Variants in PARD3B observed in about 807,000 individuals in gnomAD.
The protein encoded by PARD3B is par-3 family cell polarity regulator beta, also known as partitioning defective 3 homolog B.
In PARD3B, 103 loss-of-function variants were observed where a neutral mutation model predicts 130.2. That is an observed-to-expected ratio of 0.79 (90% CI 0.67 to 0.93). The LOEUF (loss-of-function observed/expected upper bound fraction) is 0.93. Ranked by LOEUF, PARD3B falls within the 40% of genes least tolerant of loss-of-function variation. PARD3B has a pLI of 0.00. For synonymous variants in PARD3B, 583 were observed against 553.2 expected, an observed-to-expected ratio of 1.05 and a Z score of -0.76; for missense variants, 1,609 against 1,499.2, an observed-to-expected ratio of 1.07 and a Z score of -1.21.
chr2:204,912,835 G>C (rs554311183), intron 2 of PARD3B, among the ~76,000 whole-genome samples: 70 of 152,200 alleles, frequency 4.6e-4, no homozygotes, highest in African/African-American at 1.6e-3. Context: ...TATTTCAGCT[G>C]TTTGTTCCCT....
At chr2:205,144,081 C>T (rs541734045) in intron 10 of PARD3B, among the ~76,000 whole-genome samples, 163 of 152,224 alleles carry the variant, frequency 1.1e-3, no homozygotes, top group African/African-American at 3.8e-3. Context: ...GAGTACTTTC[C>T]AACCATAGGC....
intron 2 of PARD3B, among the ~76,000 whole-genome samples, chr2:204,705,999 G>A (rs2038127763): frequency 6.6e-6 from 1 of 152,186 alleles, no homozygotes; most frequent in East Asian, 1.9e-4. Flanking sequence ...GAATGGATGA[G>A]TGAATGAAGA....
chr2:205,614,533 T>C (rs2055350247), intron 22 of PARD3B, among the ~76,000 whole-genome samples: 1 of 151,402 alleles, frequency 6.6e-6, no homozygotes, highest in Non-Finnish European at 1.5e-5. Flanking sequence ...ATGAAACCCA[T>C]CTCTACAAAA....
intron 3 of PARD3B, among the ~76,000 whole-genome samples, chr2:205,036,544 AATAT>A (rs902259866): frequency 2.7e-5 from 4 of 149,534 alleles, no homozygotes; most frequent in African/African-American, 9.8e-5. Flanking sequence ...ATATACAAAA[AATAT>A]ATATACACAG....
intron 10 of PARD3B, among the ~76,000 whole-genome samples, chr2:205,154,119 A>G (rs2033950901): frequency 6.6e-6 from 1 of 152,076 alleles, no homozygotes; most frequent in South Asian, 2.1e-4. Context: ...AACCTACAGA[A>G]TGGGAGAAAA....
In PARD3B at chr2:205,073,810, T is replaced by C. The variant is rs150861707; in HGVS notation, c.504+26120T>C. On this transcript the variant is annotated intron_variant, in intron 4 of 22. Coordinates refer to ENST00000406610, the MANE Select transcript of PARD3B (RefSeq NM_001302769.2). ...GCTATTATTGGAAAGATGTGTTGAA[T>C]ATAAAACCTGAAACATTTCCAAATA... Among the ~76,000 whole-genome samples, 46 of 152,272 alleles carry C rather than the reference T, an allele frequency of 3.0e-4. No homozygotes were observed. The East Asian group carries it at 7.9e-3, about 26-fold the overall frequency.
chr2:205,388,554 C>T (rs2045742290), intron 18 of PARD3B, among the ~76,000 whole-genome samples: 1 of 152,136 alleles, frequency 6.6e-6, no homozygotes, highest in South Asian at 2.1e-4. Flanking sequence ...ATAGCTCTTT[C>T]TGAATTACAG....
chr2:205,340,604 G>T (rs893485476), intron 18 of PARD3B, among the ~76,000 whole-genome samples: 3 of 152,062 alleles, frequency 2.0e-5, no homozygotes, highest in Non-Finnish European at 4.4e-5. Flanking sequence ...AACTCAAAAT[G>T]AATTAAAGAC....
In PARD3B at chr2:204,546,131, G is replaced by T; in HGVS notation, c.120+12G>T. On this transcript the variant is annotated intron_variant, in intron 1 of 22. Coordinates refer to ENST00000406610, the MANE Select transcript of PARD3B (RefSeq NM_001302769.2). ...AGACCCGGGAGAAGGTGAGCGCGGC[G>T]CGGAGGAGTGGGGCGCGGCTGCAGC... 1 of 1,552,096 alleles carries T rather than the reference G, an allele frequency of 6.4e-7. No homozygotes were observed. The highest frequency in any genetic ancestry group is 1.9e-5 in the Admixed American group (1 of 51,426).
intron 18 of PARD3B, among the ~76,000 whole-genome samples, chr2:205,382,813 A>G (rs900900899): frequency 2.0e-5 from 3 of 152,048 alleles, no homozygotes; most frequent in African/African-American, 7.2e-5. Flanking sequence ...TGCTCAGATT[A>G]TTCAGTATTG....
At chr2:204,917,413 A>G (rs2047489023) in intron 2 of PARD3B, among the ~76,000 whole-genome samples, 2 of 152,168 alleles carry the variant, frequency 1.3e-5, no homozygotes, top group Non-Finnish European at 2.9e-5. Context: ...GGATGGATTG[A>G]TTTATTTCAT....
intron 1 of PARD3B, among the ~76,000 whole-genome samples, chr2:204,655,828 A>G (rs1426210605): frequency 1.3e-5 from 2 of 152,102 alleles, no homozygotes; most frequent in Non-Finnish European, 2.9e-5. Flanking sequence ...CAGCTGTGCT[A>G]TTCTTCCAGT....
At chr2:204,716,076 A>T (rs2038708141) in intron 2 of PARD3B, among the ~76,000 whole-genome samples, 1 of 152,172 alleles carries the variant, frequency 6.6e-6, no homozygotes, top group Admixed American at 6.5e-5. Context: ...TAAATGTAGG[A>T]ACTAATTATT....
chr2:205,071,646 C>G (rs1029614029), intron 4 of PARD3B, among the ~76,000 whole-genome samples: 1 of 152,002 alleles, frequency 6.6e-6, no homozygotes, highest in African/African-American at 2.4e-5. Context: ...GTACAGACAA[C>G]AAAAGATGTA....
At position 205,229,972 on chromosome 2, in the gene PARD3B, T is replaced by A. The variant is rs560287865; in HGVS notation, c.2141-15806T>A. 6.6e-6 allele frequency among the ~76,000 whole-genome samples: 1 copy of A among 151,942 alleles called. No homozygotes were observed. Among genetic ancestry groups the A allele is most frequent in the African/African-American group, 2.4e-5 (1 of 41,442 alleles). ...CTGCCTGTCTACCACTGATGCTCAT[T>A]CCAGGTCTAAGGACTCTTCAGTCAG... On this transcript the variant is annotated intron_variant, in intron 15 of 22. Coordinates refer to ENST00000406610, the MANE Select transcript of PARD3B (RefSeq NM_001302769.2). This position sits in a 1 kb window ranked among gnomAD's most constrained non-coding sequence, Gnocchi z 5.2.
At chr2:205,172,035 G>C (rs1559507456) in intron 11 of PARD3B, among the ~76,000 whole-genome samples, 176 bp from the exon 12 acceptor site, 1 of 152,178 alleles carries the variant, frequency 6.6e-6, no homozygotes, top group Non-Finnish European at 1.5e-5. Flanking sequence ...ACTGGTATTT[G>C]TGACTATTTG....
At chr2:205,598,710 C>T (rs2054665328) in intron 22 of PARD3B, among the ~76,000 whole-genome samples, 1 of 152,146 alleles carries the variant, frequency 6.6e-6, no homozygotes, top group Non-Finnish European at 1.5e-5. Context: ...CGGCCACGTG[C>T]TTGGCCATAA....
intron 1 of PARD3B, among the ~76,000 whole-genome samples, chr2:204,648,552 T>TA: frequency 7.4e-6 from 1 of 135,102 alleles, no homozygotes; most frequent in Non-Finnish European, 1.5e-5. Context: ...TATAAAGCTT[T>TA]AAAATATATA....
intron 2 of PARD3B, among the ~76,000 whole-genome samples, chr2:204,829,124 C>T (rs2043705976): frequency 1.3e-5 from 2 of 152,156 alleles, no homozygotes; most frequent in Admixed American, 1.3e-4. Context: ...TGAAACATAA[C>T]TGTGAATATG....
Sources: gnomAD v4.1 joint callset for allele counts (sites outside exome capture counted in the v4.1 genomes callset) on GRCh38, gnomAD v4.1.1 for gene constraint, Gnocchi (gnomAD v3.1) non-coding constraint, MANE v1.5 for transcripts, NCBI Gene and HGNC (gene_info 2026-07-23, HGNC 2026-07-21) for gene names.